Variants in DTWD2 observed in about 807,000 individuals in gnomAD.
DTWD2 encodes the protein tRNA-uridine aminocarboxypropyltransferase 2.
Under a neutral mutation model 31.8 loss-of-function variants are expected in DTWD2, and 39 were observed. That is an observed-to-expected ratio of 1.22 (90% CI 0.95 to 1.60). The LOEUF (loss-of-function observed/expected upper bound fraction) is 1.60, where lower values mean the gene tolerates loss of function less well. Ranked by LOEUF, DTWD2 falls within the 40% of genes most tolerant of loss-of-function variation. The probability of loss-of-function intolerance (pLI) is 0.00; values close to 1 mark genes in which losing one functional copy is unlikely to be tolerated. For synonymous variants in DTWD2, 180 were observed against 142.8 expected (o/e 1.26, Z -1.86); for missense variants, 515 against 381.5 (o/e 1.35, Z -2.92).
chr5:118,862,139 A>T (rs1752274827), intron 4 of DTWD2, among the ~76,000 whole-genome samples: 1 of 152,210 alleles, frequency 6.6e-6, no homozygotes, highest in Non-Finnish European at 1.5e-5. Context: ...CATGACAGGG[A>T]TCTAGGTTGC....
In DTWD2 at chr5:118,913,390, T is replaced by TATATATATAG. The variant is rs200926191; in HGVS notation, c.597+15137_597+15146dup. On this transcript the variant is annotated intron_variant, in intron 4 of 5. Coordinates refer to ENST00000510708, the MANE Select transcript of DTWD2 (RefSeq NM_173666.4). ...CAAGCTTCCATAATCACATGAACCA[T>TATATATATAG]ATATATATAGATATATATAGATATA... 9.2e-3 allele frequency among the ~76,000 whole-genome samples: 1,340 copies of TATATATATAG among 145,718 alleles called. 9 individuals are homozygous for TATATATATAG. Among genetic ancestry groups the TATATATATAG allele is most frequent in the Middle Eastern group, 0.026 (7 of 274 alleles).
intron 1 of DTWD2, among the ~76,000 whole-genome samples, chr5:118,978,752 T>C (rs1561480527): frequency 6.6e-6 from 1 of 152,058 alleles, no homozygotes; most frequent in African/African-American, 2.4e-5. Context: ...ACACCTGTAA[T>C]CCCAGCACTT....
intron 1 of DTWD2, chr5:118,988,061 C>G: frequency 1.4e-6 from 1 of 713,578 alleles, no homozygotes; most frequent in Non-Finnish European, 2.5e-6. Context: ...CTGCTCATCC[C>G]ATGATACGCT....
At chr5:118,842,953 CTTTTTT>C (rs1181962036) in intron 5 of DTWD2, among the ~76,000 whole-genome samples, 3 of 108,788 alleles carry the variant, frequency 2.8e-5, no homozygotes, top group African/African-American at 7.3e-5. Flanking sequence ...TCTTCTTCCT[CTTTTTT>C]TTTTTTTTTT....
chr5:118,979,602 A>G (rs1755251485), intron 1 of DTWD2, among the ~76,000 whole-genome samples: 1 of 152,370 alleles, frequency 6.6e-6, no homozygotes, highest in Admixed American at 6.5e-5. Flanking sequence ...ACATGGAATC[A>G]ATCCACATGC....
At chr5:118,897,272 C>T (rs1174198659) in intron 4 of DTWD2, among the ~76,000 whole-genome samples, 2 of 152,168 alleles carry the variant, frequency 1.3e-5, no homozygotes, top group East Asian at 3.9e-4. Flanking sequence ...GATGTATTTA[C>T]TTAAATCTTC....
Position 118,977,135 on chromosome 5 carries a change from C to T in DTWD2, c.218+11159G>A, listed in dbSNP as rs146856052. Among the ~76,000 whole-genome samples, 63 of 152,308 alleles carry T rather than the reference C, an allele frequency of 4.1e-4. 2 individuals carry two copies. The East Asian group carries it at 0.012, about 29-fold the overall frequency. ...ACAAAAAGCCTTTGATAAAATTCAA[C>T]ACCCTTTCATGCTAAAACTCTCAAT... is the stretch of plus-strand genomic sequence containing the variant. On this transcript the variant is annotated intron_variant, in intron 1 of 5. Coordinates refer to ENST00000510708, the MANE Select transcript of DTWD2 (RefSeq NM_173666.4).
intron 4 of DTWD2, among the ~76,000 whole-genome samples, chr5:118,893,784 G>A (rs1180482349): frequency 6.6e-6 from 1 of 152,102 alleles, no homozygotes; most frequent in African/African-American, 2.4e-5. Flanking sequence ...CACAAGCCAA[G>A]GAGCACAGAT....
chr5:118,853,893 G>A (rs967581907), intron 4 of DTWD2, among the ~76,000 whole-genome samples: 3 of 152,176 alleles, frequency 2.0e-5, no homozygotes, highest in African/African-American at 7.2e-5. Flanking sequence ...CTTAAGTTTA[G>A]GGGGTTTTGT....
intron 4 of DTWD2, among the ~76,000 whole-genome samples, chr5:118,883,848 A>C (rs1032598745): frequency 1.3e-5 from 2 of 152,204 alleles, no homozygotes; most frequent in Non-Finnish European, 2.9e-5. Flanking sequence ...ACTTATTTCA[A>C]AATCTTTTTA....
chr5:118,986,925 AT>A (rs1172626370), intron 1 of DTWD2, among the ~76,000 whole-genome samples: 4 of 152,218 alleles, frequency 2.6e-5, no homozygotes, highest in Admixed American at 2.6e-4. Flanking sequence ...GTTGGGGAAA[AT>A]TGTAATCCTA....
intron 4 of DTWD2, among the ~76,000 whole-genome samples, chr5:118,874,675 A>C (rs1240659962): frequency 1.3e-5 from 2 of 152,206 alleles, no homozygotes; most frequent in East Asian, 3.8e-4. Context: ...AAGAAAAGAA[A>C]AGGAATGAAC....
rs546907310 is a variant in DTWD2, at chr5:118,874,757, G to A, written c.598-26539C>T. Among the ~76,000 whole-genome samples, 8 of 152,156 alleles carry A rather than the reference G, an allele frequency of 5.3e-5. No homozygotes were observed. In the South Asian group the frequency reaches 1.0e-3, roughly 20 times the overall value. On this transcript the variant is annotated intron_variant, in intron 4 of 5. Transcript: ENST00000510708. ...ACTGATTGGGGTACCTGAAAGAAAC[G>A]GGGAGAAAGGAACCAACTTGGAAAA...
chr5:118,972,465 C>G (rs1267972990), intron 1 of DTWD2, among the ~76,000 whole-genome samples: 1 of 152,060 alleles, frequency 6.6e-6, no homozygotes, highest in African/African-American at 2.4e-5. Context: ...GTTCTGAAAC[C>G]AAGGCAGTAA....
chr5:118,954,028 T>G (rs1034538104), intron 1 of DTWD2, among the ~76,000 whole-genome samples: 3 of 152,176 alleles, frequency 2.0e-5, no homozygotes, highest in Non-Finnish European at 4.4e-5. Flanking sequence ...CTCAGAATTT[T>G]GGGAAGCTGA....
At chr5:118,875,679 T>C (rs546906915) in intron 4 of DTWD2, among the ~76,000 whole-genome samples, 1 of 152,076 alleles carries the variant, frequency 6.6e-6, no homozygotes, top group Non-Finnish European at 1.5e-5. Context: ...CCTAAATATG[T>C]ATGTGCCCAA....
At chr5:118,981,617 G>C (rs779799834) in intron 1 of DTWD2, among the ~76,000 whole-genome samples, 31 of 152,000 alleles carry the variant, frequency 2.0e-4, no homozygotes, top group Non-Finnish European at 3.5e-4. Flanking sequence ...CAAGAGCACA[G>C]TGGCACCTTC....
rs1751663833 is a variant in DTWD2, at chr5:118,839,696, A to G, written c.*1221T>C. 1 of 152,168 alleles carries G rather than the reference A, an allele frequency of 6.6e-6. No individual in the cohort carries two copies. Among genetic ancestry groups the G allele is most frequent in the African/African-American group, 2.4e-5 (1 of 41,428 alleles). 9.4% of individuals were successfully genotyped at this position (152,168 alleles called of 1,614,324 possible). A position where few individuals can be genotyped will look rare whatever the true frequency, so the allele number is the denominator to read the frequency against. On this transcript the variant is annotated 3_prime_UTR_variant, in exon 6 of 6. Coordinates refer to ENST00000510708, the MANE Select transcript of DTWD2 (RefSeq NM_173666.4). ...TTTTAAATCCAAAAATAAATCAACA[A>G]TAGAAGCCAGCACTCTTTTAATATT...
At chr5:118,892,689 T>A (rs559355847) in intron 4 of DTWD2, among the ~76,000 whole-genome samples, 2 of 152,110 alleles carry the variant, frequency 1.3e-5, no homozygotes, top group Middle Eastern at 3.2e-3. Flanking sequence ...GAAATACACA[T>A]TGTCATAAAA....
Sources: allele counts gnomAD v4.1 joint callset (sites outside exome capture counted in the v4.1 genomes callset), GRCh38; gene constraint gnomAD v4.1.1; transcripts MANE v1.5; gene names NCBI Gene and HGNC (gene_info 2026-07-23, HGNC 2026-07-21).